The following VPS41 variants were observed in gnomAD, a reference collection of about 807,000 sequenced individuals.
VPS41 encodes VPS41 subunit of HOPS complex, also known as vacuolar protein sorting-associated protein 41 homolog.
Under a neutral mutation model 130.9 loss-of-function variants are expected in VPS41, and 85 were observed. The ratio of observed to expected loss-of-function variants is 0.65; its 90% CI spans 0.55 to 0.78. VPS41 has a LOEUF of 0.78. VPS41 is among the 30% of genes least tolerant of loss of function. The probability of loss-of-function intolerance (pLI) is 0.00; values close to 1 mark genes in which losing one functional copy is unlikely to be tolerated. For missense variants in VPS41, 874 were observed against 1,018.7 expected, an observed-to-expected ratio of 0.86 and a Z score of 1.93; for synonymous variants, 335 against 332.9, an observed-to-expected ratio of 1.01 and a Z score of -0.07.
chr7:38,900,270 C>T (rs1787112757), intron 1 of VPS41, among the ~76,000 whole-genome samples: 1 of 151,908 alleles, frequency 6.6e-6, no homozygotes, highest in African/African-American at 2.4e-5. Flanking sequence ...TAAAACAAAA[C>T]AAAACAAAAC....
intron 3 of VPS41, 81 bp downstream of exon 3, chr7:38,869,065 A>G: frequency 9.0e-7 from 1 of 1,106,788 alleles, no homozygotes; most frequent in Non-Finnish European, 1.3e-6. Flanking sequence ...AGCCACCACC[A>G]AAAACATCAG....
chr7:38,766,157 A>G (rs1282660927), intron 15 of VPS41, among the ~76,000 whole-genome samples: 1 of 152,250 alleles, frequency 6.6e-6, no homozygotes, highest in Non-Finnish European at 1.5e-5. Context: ...CTTACTTTAC[A>G]CATCAAAGAA....
At chr7:38,809,813 T>C (rs893319484) in intron 7 of VPS41, among the ~76,000 whole-genome samples, 2 of 152,166 alleles carry the variant, frequency 1.3e-5, no homozygotes, top group Non-Finnish European at 2.9e-5. Context: ...GACAATTTAA[T>C]GATTTGTCAA....
intron 2 of VPS41, among the ~76,000 whole-genome samples, chr7:38,893,352 C>T (rs1314082307): frequency 6.6e-6 from 1 of 152,234 alleles, no homozygotes; most frequent in Non-Finnish European, 1.5e-5. Context: ...GGCAGACTCA[C>T]TCTTGAAGAC....
chr7:38,824,729 A>C (rs980602242), intron 5 of VPS41, among the ~76,000 whole-genome samples: 1 of 152,204 alleles, frequency 6.6e-6, no homozygotes, highest in Non-Finnish European at 1.5e-5. Context: ...AATTAAGGAC[A>C]CTCTATGACA....
At chr7:38,847,655 C>G (rs76513286) in intron 4 of VPS41, among the ~76,000 whole-genome samples, 3,013 of 152,224 alleles carry the variant, frequency 0.02, 110 homozygotes, top group African/African-American at 0.068. Flanking sequence ...TATAGCAGAC[C>G]CATGAAGGCT....
chr7:38,855,111 G>GA (rs1228557917), intron 4 of VPS41, among the ~76,000 whole-genome samples: 1 of 146,696 alleles, frequency 6.8e-6, no homozygotes, highest in Non-Finnish European at 1.5e-5. Flanking sequence ...TGGGAAGGCT[G>GA]AAACAGGAGA....
chr7:38,767,420 C>A, intron 15 of VPS41, 117 bp downstream of exon 15: 1 of 508,106 alleles, frequency 2.0e-6, no homozygotes, highest in East Asian at 3.4e-5. Context: ...AAAAATTACC[C>A]TCGTTAGAAA....
At chr7:38,791,751 T>C (rs1192953984) in intron 9 of VPS41, among the ~76,000 whole-genome samples, 3 of 151,992 alleles carry the variant, frequency 2.0e-5, no homozygotes, top group Non-Finnish European at 4.4e-5. Context: ...ACCTTGGAAG[T>C]CATGTTTATG....
At chr7:38,790,181 T>C (rs1355180314) in intron 9 of VPS41, among the ~76,000 whole-genome samples, 1 of 152,210 alleles carries the variant, frequency 6.6e-6, no homozygotes, top group Non-Finnish European at 1.5e-5. Context: ...TTCTTTTACA[T>C]AGTGTTCTTT....
intron 2 of VPS41, among the ~76,000 whole-genome samples, chr7:38,895,354 A>C (rs573521948): frequency 2.1e-4 from 32 of 150,306 alleles, no homozygotes; most frequent in Non-Finnish European, 4.0e-4. Flanking sequence ...TAAAAAAAAC[A>C]AACCACGTTA....
chr7:38,729,629 A>C (rs1339816156), intron 25 of VPS41, among the ~76,000 whole-genome samples: 2 of 152,270 alleles, frequency 1.3e-5, no homozygotes, highest in East Asian at 1.9e-4. Context: ...GGAGAATGAC[A>C]AGAGACATCA....
At position 38,724,321 on chromosome 7, in the gene VPS41, C is replaced by T. The variant is rs990633562; in HGVS notation, c.*1925G>A. ...TGAGGATTAATGTAAATGTAATAAA[C>T]TGAATCTGTAAATTGGTAATGTTGA... On this transcript the variant is annotated 3_prime_UTR_variant, in exon 29 of 29. Transcript: ENST00000310301. 1.3e-5 allele frequency: 2 copies of T among 152,142 alleles called. No individual in the cohort carries two copies. Among genetic ancestry groups the T allele is most frequent in the Admixed American group, 1.3e-4 (2 of 15,272 alleles). 9.4% of individuals were successfully genotyped at this position (152,142 alleles called of 1,614,324 possible).
At chr7:38,777,725 T>C (rs1294028338) in intron 10 of VPS41, among the ~76,000 whole-genome samples, 4 of 152,202 alleles carry the variant, frequency 2.6e-5, no homozygotes, top group African/African-American at 9.7e-5. Flanking sequence ...TCTGTGGTAT[T>C]AGCTGCAGAT....
At chr7:38,762,439 T>C (rs966595835) in intron 17 of VPS41, among the ~76,000 whole-genome samples, 1 of 152,236 alleles carries the variant, frequency 6.6e-6, no homozygotes, top group Non-Finnish European at 1.5e-5. Context: ...TTAACTCTGC[T>C]GGGTCGTAAA....
At chr7:38,866,269 G>A (rs1448448216) in intron 3 of VPS41, among the ~76,000 whole-genome samples, 1 of 152,150 alleles carries the variant, frequency 6.6e-6, no homozygotes, top group East Asian at 1.9e-4. Context: ...CGTAGTTGAT[G>A]AAAAATCATA....
chr7:38,847,469 T>G (rs762126666), intron 4 of VPS41, among the ~76,000 whole-genome samples: 1 of 152,202 alleles, frequency 6.6e-6, no homozygotes, highest in Non-Finnish European at 1.5e-5. Flanking sequence ...GAAATGGGGT[T>G]GTCATCGCTG....
chr7:38,768,189 A>G (rs1784085755), intron 14 of VPS41, among the ~76,000 whole-genome samples: 1 of 152,178 alleles, frequency 6.6e-6, no homozygotes, highest in African/African-American at 2.4e-5. Context: ...CGCTTATTCT[A>G]CCTGGGTTCT....
chr7:38,778,042 G>A (rs960937057), intron 10 of VPS41, among the ~76,000 whole-genome samples: 3 of 151,800 alleles, frequency 2.0e-5, no homozygotes, highest in Admixed American at 6.6e-5. Flanking sequence ...TTTAATTTTC[G>A]CACCAAAATA....
Sources: gnomAD v4.1 joint callset for allele counts (sites outside exome capture counted in the v4.1 genomes callset) on GRCh38, gnomAD v4.1.1 for gene constraint, MANE v1.5 for transcripts, NCBI Gene and HGNC (gene_info 2026-07-23, HGNC 2026-07-21) for gene names.